The following ATP6V0D2 variants were observed in gnomAD, a reference collection of about 807,000 sequenced individuals.
The protein encoded by ATP6V0D2 is ATPase H+ transporting V0 subunit d2, also known as V-type proton ATPase subunit d 2.
Under a neutral mutation model 40.0 loss-of-function variants are expected in ATP6V0D2, and 40 were observed. The observed-to-expected ratio is 1.00, with a 90% CI of 0.78 to 1.30. ATP6V0D2 has a LOEUF of 1.30. ATP6V0D2 is among the 50% of genes most tolerant of loss of function. The pLI is 0.00. For missense variants in ATP6V0D2, 470 were observed against 423.1 expected (o/e 1.11, Z -0.97); for synonymous variants, 179 against 156.3 (o/e 1.15, Z -1.08).
chr8:86,129,392 C>T (rs1818787024), intron 2 of ATP6V0D2, among the ~76,000 whole-genome samples: 1 of 152,120 alleles, frequency 6.6e-6, no homozygotes, highest in Non-Finnish European at 1.5e-5. Flanking sequence ...AAAGAATAAT[C>T]TGGCCAGGCA....
chr8:86,109,004 C>A (rs931324404), intron 1 of ATP6V0D2, among the ~76,000 whole-genome samples: 2 of 151,944 alleles, frequency 1.3e-5, no homozygotes, highest in African/African-American at 4.8e-5. Flanking sequence ...GGTAGTGATC[C>A]TACAGTTTGG....
intron 2 of ATP6V0D2, among the ~76,000 whole-genome samples, chr8:86,134,177 A>ATGGAG (rs1397500281): frequency 1.3e-5 from 2 of 152,174 alleles, no homozygotes; most frequent in Non-Finnish European, 2.9e-5. Context: ...TTTTTCAAGC[A>ATGGAG]CTAAAGACAA....
intron 1 of ATP6V0D2, among the ~76,000 whole-genome samples, chr8:86,099,761 T>TGGAATTACA (rs1414574995): frequency 6.6e-6 from 1 of 152,232 alleles, no homozygotes; most frequent in Non-Finnish European, 1.5e-5. Context: ...CCCAAAGTGC[T>TGGAATTACA]GGAATTACAG....
intron 2 of ATP6V0D2, among the ~76,000 whole-genome samples, chr8:86,134,696 A>T (rs1818874725): frequency 6.6e-6 from 1 of 152,234 alleles, no homozygotes; most frequent in Non-Finnish European, 1.5e-5. Context: ...AATAAAACTT[A>T]TTTTAATATA....
intron 2 of ATP6V0D2, among the ~76,000 whole-genome samples, chr8:86,131,268 C>T (rs1226817692): frequency 1.3e-5 from 2 of 152,108 alleles, no homozygotes; most frequent in Admixed American, 6.5e-5. Flanking sequence ...GGTGCAATCT[C>T]GGCTCACTGC....
chr8:86,127,864 G>A (rs1818767470), intron 2 of ATP6V0D2, among the ~76,000 whole-genome samples: 3 of 152,232 alleles, frequency 2.0e-5, no homozygotes, highest in South Asian at 4.1e-4. Flanking sequence ...GATGAAGGAT[G>A]TGGATCTGGC....
chr8:86,133,709 C>T (rs144169013), intron 2 of ATP6V0D2, among the ~76,000 whole-genome samples: 12 of 152,114 alleles, frequency 7.9e-5, no homozygotes, highest in African/African-American at 2.7e-4. Flanking sequence ...AGCAAATGCT[C>T]GATGGGGACC....
intron 5 of ATP6V0D2, among the ~76,000 whole-genome samples, chr8:86,145,195 A>AAAGGAAAGAAAGAAAG (rs1563566024): frequency 6.9e-5 from 1 of 14,554 alleles, no homozygotes; most frequent in Non-Finnish European, 1.4e-4. Flanking sequence ...AGAAAGAAAG[A>AAAGGAAAGAAAGAAAG]AAAGAAAGAA....
In ATP6V0D2 at chr8:86,142,889, G is replaced by A; in HGVS notation, c.574G>A (p.Ala192Thr). 1 of 1,603,528 alleles carries A rather than the reference G, an allele frequency of 6.2e-7. No individual in the cohort carries two copies. Among genetic ancestry groups the A allele is most frequent in the Non-Finnish European group, 8.5e-7 (1 of 1,172,624 alleles). Reference protein sequence around the residue: ...RNKLYKSYLEAFYKFCKNHGD... With the variant: ...RNKLYKSYLETFYKFCKNHGD... ...TTTTCTTTTTAAGTCTTACCTTGAG[G>A]CATTCTATAAATTCTGTAAGAATCA... Residue 192 changes from alanine (A) to threonine (T), a missense_variant, in exon 5 of 8, where the codon GCA becomes ACA. By Grantham distance (58) the Ala-to-Thr change is moderately conservative. Coordinates refer to ENST00000285393, the MANE Select transcript of ATP6V0D2 (RefSeq NM_152565.1).
At chr8:86,145,226 AG>A (rs1819037505) in intron 5 of ATP6V0D2, among the ~76,000 whole-genome samples, 1 of 31,732 alleles carries the variant, frequency 3.2e-5, no homozygotes, top group African/African-American at 1.7e-4. Context: ...AAAGAAAGAA[AG>A]AAAGAAAGAG....
intron 7 of ATP6V0D2, among the ~76,000 whole-genome samples, chr8:86,152,552 C>T (rs1204305826): frequency 2.0e-5 from 3 of 152,180 alleles, no homozygotes; most frequent in East Asian, 1.9e-4. Context: ...AGTGTGAAAG[C>T]GTTCCTATTT....
At chr8:86,106,429 G>A (rs1818471270) in intron 1 of ATP6V0D2, among the ~76,000 whole-genome samples, 1 of 152,190 alleles carries the variant, frequency 6.6e-6, no homozygotes, top group South Asian at 2.1e-4. Context: ...ACTGATAAGT[G>A]CTTTCTTATC....
At position 86,142,955 on chromosome 8, in the gene ATP6V0D2, G is replaced by A; in HGVS notation, c.639+1G>A. ...AGAAGTTATGTGTCCCATTCTTGAG[G>A]TAAGAAAGAGTCCTTGAATTTTGTT... On this transcript the variant is annotated splice_donor_variant, in intron 5 of 7. Transcript: ENST00000285393. LOFTEE classifies it high-confidence loss of function. The A allele has an allele frequency of 6.3e-7, 1 of 1,599,558 alleles. No homozygotes were observed. The highest frequency in any genetic ancestry group is 8.6e-7 in the Non-Finnish European group (1 of 1,169,528).
intron 2 of ATP6V0D2, among the ~76,000 whole-genome samples, chr8:86,130,602 C>T (rs1279200964): frequency 6.6e-6 from 1 of 151,982 alleles, no homozygotes; most frequent in Non-Finnish European, 1.5e-5. Flanking sequence ...ATAGGGCAAC[C>T]ATAAGACAAA....
Position 86,108,474 on chromosome 8 carries a change from G to A in ATP6V0D2, c.131-5235G>A, listed in dbSNP as rs749201781. Reference sequence around the variant, plus strand: ...TTAATCCCCAAAACAACCTGAAAGCGTAGACTATATCCATTTTGTAGATGA... The same window carrying A: ...TTAATCCCCAAAACAACCTGAAAGCATAGACTATATCCATTTTGTAGATGA... On this transcript the variant is annotated intron_variant, in intron 1 of 7. Coordinates refer to ENST00000285393, the MANE Select transcript of ATP6V0D2 (RefSeq NM_152565.1). Among the ~76,000 whole-genome samples, 7 of 152,178 alleles carry A rather than the reference G, an allele frequency of 4.6e-5. No homozygotes were observed. In the South Asian group the frequency reaches 8.3e-4, roughly 18 times the overall value.
At chr8:86,112,690 G>T (rs957137024) in intron 1 of ATP6V0D2, among the ~76,000 whole-genome samples, 1 of 152,054 alleles carries the variant, frequency 6.6e-6, no homozygotes, top group Non-Finnish European at 1.5e-5. Flanking sequence ...GTGGGGTTGG[G>T]TCAGCATTTA....
intron 1 of ATP6V0D2, 29 bp downstream of exon 1, chr8:86,099,137 AAG>A: frequency 1.9e-6 from 3 of 1,546,138 alleles, no homozygotes; most frequent in African/African-American, 1.4e-5. Context: ...ACCCTTTAAA[AAG>A]AAAAAAAAAA....
intron 1 of ATP6V0D2, among the ~76,000 whole-genome samples, chr8:86,111,357 C>CT (rs1208264693): frequency 6.6e-6 from 1 of 151,936 alleles, no homozygotes; most frequent in Non-Finnish European, 1.5e-5. Context: ...TGGCCCACTC[C>CT]TTGCCCTTTG....
intron 1 of ATP6V0D2, among the ~76,000 whole-genome samples, chr8:86,107,968 G>T (rs1415584127): frequency 6.6e-6 from 1 of 152,188 alleles, no homozygotes; most frequent in Admixed American, 6.5e-5. Context: ...GTAATTACCA[G>T]ATTTGATGGT....
Sources: allele counts gnomAD v4.1 joint callset (sites outside exome capture counted in the v4.1 genomes callset), GRCh38; gene constraint gnomAD v4.1.1; transcripts MANE v1.5; gene names NCBI Gene and HGNC (gene_info 2026-07-23, HGNC 2026-07-21).